The following ZNF578 variants were observed in gnomAD, a reference collection of about 807,000 sequenced individuals.
ZNF578 encodes zinc finger protein 578.
Under a neutral mutation model 8.3 loss-of-function variants are expected in ZNF578, and 8 were observed. That is an observed-to-expected ratio of 0.96 (90% CI 0.56 to 1.74). ZNF578 has a LOEUF of 1.74. Among genes scored for constraint, ZNF578 ranks in the 40% most tolerant of loss-of-function variants. The pLI is 0.00. For missense variants in ZNF578, 726 were observed against 707.5 expected (o/e 1.03, Z -0.30); for synonymous variants, 206 against 232.2 (o/e 0.89, Z 1.03).
intron 2 of ZNF578, among the ~76,000 whole-genome samples, chr19:52,484,985 T>A (rs953016644): frequency 6.9e-6 from 1 of 144,792 alleles, no homozygotes; most frequent in Non-Finnish European, 1.5e-5. Flanking sequence ...CCAAACAGAC[T>A]TTGTGTGAGC....
intron 3 of ZNF578, chr19:52,492,951 GA>G (rs2059371540): frequency 6.6e-6 from 1 of 152,252 alleles, no homozygotes; most frequent in Admixed American, 6.5e-5. Flanking sequence ...CACGGACCTG[GA>G]AATTCTCGCT....
intron 2 of ZNF578, among the ~76,000 whole-genome samples, chr19:52,486,857 G>A (rs1222211912): frequency 6.6e-6 from 1 of 152,016 alleles, no homozygotes; most frequent in Non-Finnish European, 1.5e-5. Flanking sequence ...AATAAGTTGT[G>A]AGGATGGAGC....
At chr19:52,474,073 C>A (rs991431223) in intron 2 of ZNF578, 1 of 390,236 alleles carries the variant, frequency 2.6e-6, no homozygotes, top group South Asian at 2.2e-5. Flanking sequence ...ATTTGTAAGG[C>A]CTCTCTCCAG....
rs1301347742 is a variant in ZNF578, at chr19:52,511,205, C to T, written c.824C>T (p.Ala275Val). Residue 275 changes from alanine to valine, a missense_variant, in exon 6 of 6, where the codon GCA (alanine) becomes GTA (valine). Coordinates refer to ENST00000421239, the MANE Select transcript of ZNF578 (RefSeq NM_001099694.2). ...GTCTTTAATGAGAAGCGATACCTTGCACGCCATCGTAGATGTCACACTAGT... is the reference window on the plus strand; with the variant it reads ...GTCTTTAATGAGAAGCGATACCTTGTACGCCATCGTAGATGTCACACTAGT... Reference protein sequence around the residue: ...GKVFNEKRYLARHRRCHTSEK... With the variant: ...GKVFNEKRYLVRHRRCHTSEK... The T allele has an allele frequency of 6.2e-7, 1 of 1,614,110 alleles. No individual in the cohort carries two copies. Among genetic ancestry groups the T allele is most frequent in the African/African-American group, 1.3e-5 (1 of 74,944 alleles).
chr19:52,459,710 G>GATATGTGTGTAT (rs199525072), intron 2 of ZNF578, among the ~76,000 whole-genome samples: 452 of 16,240 alleles, frequency 0.028, 43 homozygotes, highest in African/African-American at 0.086. Context: ...TGTATATGTA[G>GATATGTGTGTAT]ATATGTGTGT....
chr19:52,495,834 C>A (rs200089983), intron 3 of ZNF578, among the ~76,000 whole-genome samples: 2 of 148,338 alleles, frequency 1.3e-5, no homozygotes, highest in South Asian at 2.2e-4. Context: ...TTGACTCATT[C>A]GTTGTGGATC....
chr19:52,496,278 A>G (rs1434378513), intron 3 of ZNF578, among the ~76,000 whole-genome samples: 2 of 151,664 alleles, frequency 1.3e-5, no homozygotes, highest in African/African-American at 4.8e-5. Flanking sequence ...GGCCTCCCAA[A>G]GTGCTGCGAT....
intron 2 of ZNF578, among the ~76,000 whole-genome samples, chr19:52,488,416 G>A (rs992301416): frequency 6.6e-6 from 1 of 151,902 alleles, no homozygotes; most frequent in African/African-American, 2.4e-5. Flanking sequence ...TTTCCATCCT[G>A]GCTAACACGG....
At position 52,510,593 on chromosome 19, in the gene ZNF578, TGAA is replaced by T; in HGVS notation, c.214_216del (p.Lys72del). The T allele has an allele frequency of 6.5e-7, 1 of 1,547,054 alleles. No individual in the cohort carries two copies. The highest frequency in any genetic ancestry group is 1.7e-4 in the Middle Eastern group (1 of 5,770). On this transcript the variant is annotated inframe_deletion, in exon 6 of 6. Coordinates refer to ENST00000421239, the MANE Select transcript of ZNF578 (RefSeq NM_001099694.2). ...GTAGATATCTCTTCCAAACGCATGA[TGAA>T]GGAGGTCTTGTCAACAGGGCAAGGC...
chr19:52,455,308 T>G (rs2059236412), intron 1 of ZNF578: 1 of 151,228 alleles, frequency 6.6e-6, no homozygotes, highest in South Asian at 2.1e-4. Context: ...CAAACGATTC[T>G]CCTGCCTCAA....
In ZNF578 at chr19:52,510,844, C is replaced by G. The variant is rs371593111; in HGVS notation, c.463C>G (p.Gln155Glu). 1.2e-6 allele frequency: 2 copies of G among 1,614,184 alleles called. No individual in the cohort carries two copies. The highest frequency in any genetic ancestry group is 1.7e-6 in the Non-Finnish European group (2 of 1,180,028). The change falls in exon 6 of 6, where the codon CAG becomes GAG. Residue 155 changes from glutamine (Q) to glutamate (E), a missense_variant. Physicochemically the swap from Gln to Glu is conservative, Grantham distance 29. Transcript: ENST00000421239. ...RHAGNKPIKD[Q>E]LGLSFHLHLP... ...TGCTGGAAACAAGCCTATTAAAGAT[C>G]AGCTTGGATTAAGCTTTCATTTGCA... is the stretch of plus-strand genomic sequence containing the variant.
rs890779652 is a variant in ZNF578 at position 52,513,201 on chromosome 19, T to C, written c.*1047T>C. On this transcript the variant is annotated 3_prime_UTR_variant, in exon 6 of 6. Transcript: ENST00000421239. ...ACGCCTGGCTAATTTTTTGTATTTT[T>C]AGTAGGGAAAGGGTTTCTCCATGTT... Among the ~76,000 whole-genome samples the C allele has an allele frequency of 2.6e-5, 4 of 151,932 alleles. No individual in the cohort carries two copies. The highest frequency in any genetic ancestry group is 2.6e-4 in the Admixed American group (4 of 15,250).
At chr19:52,456,362 A>G (rs2059239674) in intron 1 of ZNF578, 1 of 152,198 alleles carries the variant, frequency 6.6e-6, no homozygotes, top group African/African-American at 2.4e-5. Flanking sequence ...ACATTTTGCA[A>G]ATATATCTCT....
At chr19:52,495,012 CTTTG>C (rs377072277) in intron 3 of ZNF578, among the ~76,000 whole-genome samples, 8,243 of 147,352 alleles carry the variant, frequency 0.056, 243 homozygotes, top group South Asian at 0.078. Flanking sequence ...TTTTTTTTTT[CTTTG>C]TTTGTTTTTT....
intron 3 of ZNF578, among the ~76,000 whole-genome samples, chr19:52,493,845 C>G (rs1268770931): frequency 1.3e-5 from 2 of 151,914 alleles, no homozygotes; most frequent in Non-Finnish European, 2.9e-5. Context: ...GCAAAATTAG[C>G]CGGGCGCGGT....
At chr19:52,498,574 G>T (rs889524323) in intron 3 of ZNF578, among the ~76,000 whole-genome samples, 1 of 151,640 alleles carries the variant, frequency 6.6e-6, no homozygotes, top group African/African-American at 2.4e-5. Context: ...TAGTAGAGAC[G>T]TGATGTCACC....
At chr19:52,480,070 C>A (rs573834374) in intron 2 of ZNF578, among the ~76,000 whole-genome samples, 13 of 152,088 alleles carry the variant, frequency 8.5e-5, no homozygotes, top group African/African-American at 2.7e-4. Flanking sequence ...CCACCATGCC[C>A]GGCAAATTTT....
intron 3 of ZNF578, among the ~76,000 whole-genome samples, chr19:52,495,385 GGTT>G (rs1271328949): frequency 4.1e-5 from 6 of 147,188 alleles, no homozygotes; most frequent in African/African-American, 5.0e-5. Flanking sequence ...AGGAGGCAGA[GGTT>G]GTGGTGAGCT....
At chr19:52,496,381 G>A (rs945003547) in intron 3 of ZNF578, among the ~76,000 whole-genome samples, 155 of 149,144 alleles carry the variant, frequency 1.0e-3, no homozygotes, top group African/African-American at 3.6e-3. Flanking sequence ...CCAGGCTGGA[G>A]TGCAGTGGCG....
Sources: allele counts gnomAD v4.1 joint callset (sites outside exome capture counted in the v4.1 genomes callset), GRCh38; gene constraint gnomAD v4.1.1; transcripts MANE v1.5; gene names NCBI Gene and HGNC (gene_info 2026-07-23, HGNC 2026-07-21).